The following SEMA3A variants were observed in gnomAD, a reference collection of about 807,000 sequenced individuals.
SEMA3A encodes semaphorin-3A.
In SEMA3A, 29 loss-of-function variants were observed where a neutral mutation model predicts 97.9. The observed-to-expected ratio is 0.30, with a 90% CI of 0.22 to 0.40. The LOEUF (loss-of-function observed/expected upper bound fraction) is 0.40, where lower values mean the gene tolerates loss of function less well. SEMA3A is among the 10% of genes least tolerant of loss of function. The pLI is 1.00. For synonymous variants in SEMA3A, 321 were observed against 323.7 expected (o/e 0.99, Z 0.09); for missense variants, 763 against 951.3 (o/e 0.80, Z 2.60).
chr7:84,185,210 T>C (rs1416407146), intron 1 of SEMA3A, among the ~76,000 whole-genome samples: 1 of 152,226 alleles, frequency 6.6e-6, no homozygotes, highest in African/African-American at 2.4e-5. Flanking sequence ...TATATACAAT[T>C]CTTCAAAGTA....
intron 2 of SEMA3A, among the ~76,000 whole-genome samples, chr7:84,340,886 T>C (rs1008175809): frequency 6.6e-6 from 1 of 152,146 alleles, no homozygotes; most frequent in African/African-American, 2.4e-5. Context: ...TTTACATATT[T>C]GATAGATTTA....
intron 1 of SEMA3A, among the ~76,000 whole-genome samples, chr7:84,146,390 T>C (rs781447622): frequency 2.0e-5 from 3 of 152,192 alleles, no homozygotes; most frequent in Non-Finnish European, 2.9e-5. Context: ...AATATAGGTC[T>C]CCTGGCTCCA....
Position 83,959,163 on chromosome 7 carries a change from A to G in SEMA3A, c.*2208T>C, listed in dbSNP as rs1169089737. 2.0e-5 allele frequency: 3 copies of G among 152,202 alleles called. No homozygotes were observed. In the East Asian group the frequency reaches 5.8e-4, roughly 29 times the overall value. 9.4% of individuals were successfully genotyped at this position (152,202 alleles called of 1,614,324 possible). A position where few individuals can be genotyped will look rare whatever the true frequency, so the allele number is the denominator to read the frequency against. ...CATTTCATAACACTAAACAAAATGC[A>G]TTCAAATTCTGAAAGTCTTCTATAA... On this transcript the variant is annotated 3_prime_UTR_variant, in exon 17 of 17. Coordinates refer to ENST00000265362, the MANE Select transcript of SEMA3A (RefSeq NM_006080.3).
At chr7:83,976,628 G>C (rs1789158836) in intron 15 of SEMA3A, among the ~76,000 whole-genome samples, 1 of 151,936 alleles carries the variant, frequency 6.6e-6, no homozygotes, top group Non-Finnish European at 1.5e-5. Flanking sequence ...AATGCCCAGT[G>C]TAAGGGAATA....
At chr7:84,476,280 A>T (rs1255809363) in intron 1 of SEMA3A, among the ~76,000 whole-genome samples, 1 of 151,172 alleles carries the variant, frequency 6.6e-6, no homozygotes, top group Admixed American at 6.6e-5. Context: ...AATCGCTTCA[A>T]CCCGGGAGGC....
In SEMA3A at chr7:84,385,064, AACACACAC is replaced by A. The variant is rs58600722; in HGVS notation, c.-245-13172_-245-13165del. 7.8e-4 allele frequency among the ~76,000 whole-genome samples: 115 copies of A among 147,434 alleles called. 1 individual carries two copies. The highest frequency in any genetic ancestry group is 3.4e-3 in the East Asian group (17 of 4,990). Reference sequence around the variant, plus strand: ...AGTCAAGTGAAGGGAACATCCACAAAACACACACACACACACACACACACACACACACA... The same window carrying A: ...AGTCAAGTGAAGGGAACATCCACAAAACACACACACACACACACACACACA... On this transcript the variant is annotated intron_variant, in intron 1 of 3. Coordinates refer to the SEMA3A transcript ENST00000424555.
At chr7:84,435,433 C>T (rs1032495440) in intron 1 of SEMA3A, among the ~76,000 whole-genome samples, 1 of 152,112 alleles carries the variant, frequency 6.6e-6, no homozygotes, top group Admixed American at 6.5e-5. Context: ...CATGGTGAAA[C>T]CCCGTCTCTA....
intron 1 of SEMA3A, among the ~76,000 whole-genome samples, chr7:84,425,077 T>G (rs1804758534): frequency 9.3e-6 from 1 of 107,454 alleles, no homozygotes; most frequent in Non-Finnish European, 1.7e-5. Flanking sequence ...ATAAATATAA[T>G]TTATATTTAT....
chr7:84,014,819 T>G (rs1791031919), intron 6 of SEMA3A, among the ~76,000 whole-genome samples: 1 of 152,152 alleles, frequency 6.6e-6, no homozygotes. Context: ...AATCCTCTCC[T>G]GTCATTCCCC....
At chr7:84,201,516 A>G (rs1798357278) in intron 3 of SEMA3A, among the ~76,000 whole-genome samples, 1 of 151,960 alleles carries the variant, frequency 6.6e-6, no homozygotes, top group South Asian at 2.1e-4. Flanking sequence ...CCGCCCCCCA[A>G]TGTGTAGAGT....
intron 11 of SEMA3A, among the ~76,000 whole-genome samples, chr7:84,004,881 G>A (rs148649917): frequency 6.6e-6 from 1 of 152,076 alleles, no homozygotes; most frequent in Non-Finnish European, 1.5e-5. Flanking sequence ...GAACAACATG[G>A]GTTTGAACTG....
intron 2 of SEMA3A, among the ~76,000 whole-genome samples, chr7:84,308,903 C>T (rs555981459): frequency 4.6e-5 from 7 of 151,588 alleles, no homozygotes; most frequent in Non-Finnish European, 8.8e-5. Flanking sequence ...CTGCAATCTC[C>T]GCCTCCCGGG....
At chr7:84,078,639 G>A (rs41512845) in intron 4 of SEMA3A, among the ~76,000 whole-genome samples, 18,024 of 151,898 alleles carry the variant, frequency 0.12, 1,157 homozygotes, top group South Asian at 0.14. Flanking sequence ...TAATGGAAAC[G>A]TCAAAGTGAT....
chr7:83,993,979 A>C (rs1191957062), intron 12 of SEMA3A, among the ~76,000 whole-genome samples: 3 of 125,142 alleles, frequency 2.4e-5, no homozygotes, highest in Non-Finnish European at 3.3e-5. Flanking sequence ...TGGTCTTTTC[A>C]CATAGTCCCA....
At chr7:84,226,382 A>G (rs1798990752) in intron 3 of SEMA3A, among the ~76,000 whole-genome samples, 1 of 152,158 alleles carries the variant, frequency 6.6e-6, no homozygotes. Flanking sequence ...ACAGAGGCTT[A>G]GAGAACCCAG....
intron 1 of SEMA3A, among the ~76,000 whole-genome samples, chr7:84,144,590 G>T (rs1796410421): frequency 6.6e-6 from 1 of 152,044 alleles, no homozygotes; most frequent in South Asian, 2.1e-4. Context: ...CACGTACAAG[G>T]GAAGATATCA....
chr7:84,441,292 T>C (rs370234390), intron 1 of SEMA3A, among the ~76,000 whole-genome samples: 10 of 151,422 alleles, frequency 6.6e-5, no homozygotes, highest in African/African-American at 2.4e-4. Context: ...AAAGAAGATA[T>C]TAGGAAAGTC....
chr7:84,005,633 G>T, intron 10 of SEMA3A, 75 bp from the exon 11 acceptor site: 1 of 1,003,972 alleles, frequency 1.0e-6, no homozygotes, highest in Non-Finnish European at 1.5e-6. Context: ...AATAACACAT[G>T]GCCTCAATGG....
intron 1 of SEMA3A, among the ~76,000 whole-genome samples, chr7:84,187,360 T>C (rs1222842351): frequency 6.6e-6 from 1 of 152,190 alleles, no homozygotes; most frequent in Non-Finnish European, 1.5e-5. Flanking sequence ...TGGCTGTATA[T>C]ACTGTGACCT....
Sources: gnomAD v4.1 joint callset for allele counts (sites outside exome capture counted in the v4.1 genomes callset) on GRCh38, gnomAD v4.1.1 for gene constraint, MANE v1.5 for transcripts, NCBI Gene and HGNC (gene_info 2026-07-23, HGNC 2026-07-21) for gene names.